The following NALCN variants were observed in gnomAD, a reference collection of about 807,000 sequenced individuals.
The protein encoded by NALCN is sodium leak channel NALCN.
In NALCN, 111 loss-of-function variants were observed where a neutral mutation model predicts 225.3. That is an observed-to-expected ratio of 0.49 (90% CI 0.42 to 0.58). The LOEUF is 0.58. NALCN is among the 20% of genes least tolerant of loss of function. NALCN has a pLI of 0.00. For missense variants in NALCN, 1,378 were observed against 2,202.4 expected (o/e 0.63, Z 7.49); for synonymous variants, 764 against 769.0 (o/e 0.99, Z 0.11).
At position 101,170,007 on chromosome 13, in the gene NALCN, T is replaced by C. The variant is rs115729941; in HGVS notation, c.1839+6293A>G. Among the ~76,000 whole-genome samples the C allele has an allele frequency of 2.3e-3, 350 of 152,288 alleles. 5 individuals are homozygous for C. Among genetic ancestry groups the C allele is most frequent in the African/African-American group, 8.2e-3 (342 of 41,574 alleles). On this transcript the variant is annotated intron_variant, in intron 15 of 43. Coordinates refer to ENST00000251127, the MANE Select transcript of NALCN (RefSeq NM_052867.4). ...ACCAGTGCTCAGCCGAATGGCATCT[T>C]CCAGCAGTATCCCTGCCACCTTGCT...
intron 7 of NALCN, among the ~76,000 whole-genome samples, chr13:101,308,394 C>T (rs1018477653): frequency 6.6e-6 from 1 of 152,164 alleles, no homozygotes; most frequent in African/African-American, 2.4e-5. Context: ...CTTCCACCAG[C>T]TAGAAATAGA....
intron 15 of NALCN, among the ~76,000 whole-genome samples, chr13:101,174,513 G>A (rs981517221): frequency 6.6e-6 from 1 of 152,020 alleles, no homozygotes; most frequent in Admixed American, 6.6e-5. Flanking sequence ...TCTTCACTTT[G>A]GGTCAGATAT....
At chr13:101,363,114 C>T (rs376444727) in intron 6 of NALCN, among the ~76,000 whole-genome samples, 68 of 152,156 alleles carry the variant, frequency 4.5e-4, no homozygotes, top group South Asian at 3.3e-3. Flanking sequence ...GAAAGATATT[C>T]GATGCTCATG....
chr13:101,324,836 C>G (rs565514465), intron 7 of NALCN, among the ~76,000 whole-genome samples: 5 of 152,240 alleles, frequency 3.3e-5, no homozygotes, highest in East Asian at 1.9e-4. Flanking sequence ...GTGAGGGAGG[C>G]CATCCCTGTC....
chr13:101,240,118 C>G (rs1207730023), intron 11 of NALCN, among the ~76,000 whole-genome samples: 2 of 152,074 alleles, frequency 1.3e-5, no homozygotes, highest in East Asian at 3.9e-4. Flanking sequence ...TGGTTTCTAA[C>G]TTTGATATTG....
intron 18 of NALCN, among the ~76,000 whole-genome samples, chr13:101,120,802 G>A (rs1029653747): frequency 2.6e-5 from 4 of 152,154 alleles, no homozygotes; most frequent in Non-Finnish European, 4.4e-5. Context: ...CAGGCAGGTC[G>A]CTTTCTCTTT....
chr13:101,113,048 A>G (rs1301513357), intron 18 of NALCN, among the ~76,000 whole-genome samples: 2 of 152,232 alleles, frequency 1.3e-5, no homozygotes, highest in Non-Finnish European at 2.9e-5. Context: ...TCTATGAAAA[A>G]TCATACAAAT....
chr13:101,103,751 C>T (rs546629665), intron 25 of NALCN, among the ~76,000 whole-genome samples: 72 of 152,298 alleles, frequency 4.7e-4, no homozygotes, highest in Middle Eastern at 3.4e-3. Context: ...ACATTGATTT[C>T]ATGCCTCCTT....
intron 7 of NALCN, among the ~76,000 whole-genome samples, chr13:101,324,002 A>C (rs1056200529): frequency 2.0e-5 from 3 of 152,178 alleles, no homozygotes; most frequent in African/African-American, 4.8e-5. Flanking sequence ...CACCCAGAAA[A>C]CCATGGGAAG....
chr13:101,224,756 C>T (rs2041072939), intron 13 of NALCN, among the ~76,000 whole-genome samples: 1 of 152,154 alleles, frequency 6.6e-6, no homozygotes, highest in South Asian at 2.1e-4. Context: ...AAACCTATTA[C>T]AACTCTCTAC....
At position 101,073,686 on chromosome 13, in the gene NALCN, A is replaced by G; in HGVS notation, c.4104-9T>C. The G allele has an allele frequency of 6.2e-7, 1 of 1,607,748 alleles. No homozygotes were observed. ...AAGAAAAATTTGCATGCCTAATTTA[A>G]GAAAAAAAAATTAACAGAATGTGAA... is the stretch of plus-strand genomic sequence containing the variant. On this transcript the variant is annotated splice_polypyrimidine_tract_variant and intron_variant, in intron 36 of 43. Coordinates refer to ENST00000251127, the MANE Select transcript of NALCN (RefSeq NM_052867.4).
rs564612398 is a variant in NALCN, at chr13:101,332,052, T to G, written c.799+13214A>C. Among the ~76,000 whole-genome samples, 3 of 152,072 alleles carry G rather than the reference T, an allele frequency of 2.0e-5. No individual in the cohort carries two copies. The South Asian group carries it at 6.2e-4, about 32-fold the overall frequency. ...GCAACTGAACCCGCCCATTGTGTGG[T>G]AACAAGAGAAGTCAAGAAAATAGAG... On this transcript the variant is annotated intron_variant, in intron 7 of 43. Coordinates refer to ENST00000251127, the MANE Select transcript of NALCN (RefSeq NM_052867.4).
chr13:101,068,857 G>A lies in NALCN; in HGVS notation c.4198-30C>T, dbSNP rs1386604610. On this transcript the variant is annotated intron_variant, in intron 37 of 43. Coordinates refer to ENST00000251127, the MANE Select transcript of NALCN (RefSeq NM_052867.4). ...GGGGCATTGGGGTGGAAGAAGGAGA[G>A]GATAAGAGTAGAGAATACAAATTTC... is the stretch of plus-strand genomic sequence containing the variant. 4 of 1,574,550 alleles carry A rather than the reference G, an allele frequency of 2.5e-6. No homozygotes were observed. In the Admixed American group the frequency reaches 5.6e-5, roughly 22 times the overall value.
intron 28 of NALCN, among the ~76,000 whole-genome samples, chr13:101,094,222 C>A (rs1039137132): frequency 6.6e-6 from 1 of 152,176 alleles, no homozygotes; most frequent in Non-Finnish European, 1.5e-5. Flanking sequence ...GCAGTGACTA[C>A]TGGGCTCTCC....
intron 38 of NALCN, among the ~76,000 whole-genome samples, chr13:101,068,396 T>C (rs1382530608): frequency 3.3e-5 from 5 of 152,140 alleles, no homozygotes; most frequent in Non-Finnish European, 7.4e-5. Flanking sequence ...AAAACATAAA[T>C]GTGATATTTC....
intron 11 of NALCN, among the ~76,000 whole-genome samples, chr13:101,241,572 A>G (rs928899203): frequency 4.6e-5 from 7 of 152,056 alleles, no homozygotes; most frequent in African/African-American, 1.7e-4. Context: ...CCTCCCGAGT[A>G]GCTGGAATTA....
chr13:101,370,604 C>A (rs1232757558), intron 6 of NALCN, among the ~76,000 whole-genome samples: 1 of 152,182 alleles, frequency 6.6e-6, no homozygotes, highest in African/African-American at 2.4e-5. Context: ...CAGAGCCCCA[C>A]AGGAACAGAC....
At chr13:101,382,390 T>G (rs973066647) in intron 3 of NALCN, among the ~76,000 whole-genome samples, 8 of 152,160 alleles carry the variant, frequency 5.3e-5, no homozygotes, top group Admixed American at 2.0e-4. Flanking sequence ...GGACCAATGC[T>G]TACATGTTAA....
At chr13:101,070,162 G>A (rs2032760996) in intron 37 of NALCN, among the ~76,000 whole-genome samples, 1 of 142,944 alleles carries the variant, frequency 7.0e-6, no homozygotes, top group Admixed American at 7.6e-5. Flanking sequence ...CGCCTCCTGG[G>A]CTTACGCCAT....
Sources: allele counts gnomAD v4.1 joint callset (sites outside exome capture counted in the v4.1 genomes callset), GRCh38; gene constraint gnomAD v4.1.1; transcripts MANE v1.5; gene names NCBI Gene and HGNC (gene_info 2026-07-23, HGNC 2026-07-21).